The following OXR1 variants were observed in gnomAD, a reference collection of about 807,000 sequenced individuals.
OXR1 encodes oxidation resistance 1, also known as oxidation resistance protein 1.
A neutral mutation model predicts 104.6 loss-of-function variants in OXR1; 41 were observed. That is an observed-to-expected ratio of 0.39 (90% CI 0.31 to 0.51). OXR1 has a LOEUF of 0.51. OXR1 is among the 20% of genes least tolerant of loss of function. OXR1 has a pLI of 0.77. For missense variants in OXR1, 955 were observed against 1,031.9 expected (o/e 0.93, Z 1.02); for synonymous variants, 348 against 348.4 (o/e 1.00, Z 0.01).
At chr8:106,609,031 T>C (rs1455800955) in intron 3 of OXR1, among the ~76,000 whole-genome samples, 3 of 152,212 alleles carry the variant, frequency 2.0e-5, no homozygotes, top group Admixed American at 2.0e-4. Context: ...CACCATATGC[T>C]TTCCTGATTG....
intron 2 of OXR1, among the ~76,000 whole-genome samples, chr8:106,479,387 C>T (rs1266484909): frequency 6.6e-6 from 1 of 152,034 alleles, no homozygotes; most frequent in Non-Finnish European, 1.5e-5. Context: ...AGTCTATGCA[C>T]TGTCTCATCT....
intron 2 of OXR1, among the ~76,000 whole-genome samples, chr8:106,506,513 T>C (rs566945345): frequency 2.2e-4 from 33 of 152,172 alleles, no homozygotes; most frequent in African/African-American, 7.7e-4. Flanking sequence ...CTCGGGAGGC[T>C]GAGGCAGGAG....
chr8:106,449,338 G>C (rs528610270), intron 2 of OXR1, among the ~76,000 whole-genome samples: 4 of 152,198 alleles, frequency 2.6e-5, no homozygotes, highest in African/African-American at 9.6e-5. Flanking sequence ...TAGCTACATA[G>C]AATATGGTTT....
chr8:106,282,336 A>G (rs940527292), intron 1 of OXR1, among the ~76,000 whole-genome samples: 4 of 152,216 alleles, frequency 2.6e-5, no homozygotes, highest in African/African-American at 9.6e-5. Context: ...GTTTGCAGAT[A>G]TTTTGAAAAA....
chr8:106,273,653 A>G (rs761269268), intron 1 of OXR1, among the ~76,000 whole-genome samples: 2 of 152,244 alleles, frequency 1.3e-5, no homozygotes, highest in Non-Finnish European at 2.9e-5. Context: ...ATACTTTCAA[A>G]TATTCCTATT....
chr8:106,295,290 T>G (rs1242985744), intron 1 of OXR1, among the ~76,000 whole-genome samples: 2 of 152,160 alleles, frequency 1.3e-5, no homozygotes, highest in Non-Finnish European at 2.9e-5. Context: ...GATTACACAT[T>G]GGACTTAACC....
At chr8:106,712,497 CATA>C (rs1306231141) in intron 10 of OXR1, among the ~76,000 whole-genome samples, 4 of 151,956 alleles carry the variant, frequency 2.6e-5, no homozygotes, top group Non-Finnish European at 4.4e-5. Flanking sequence ...ATATCTTGAC[CATA>C]CTGTTTTTAG....
rs1415883220 is a variant in OXR1, at chr8:106,751,557, T to G, written c.*616T>G. ...GAAAAATGAAATGTGAGGAGAATTC[T>G]GGTTGTAATAGATGACAGTACATAT... is the stretch of plus-strand genomic sequence containing the variant. On this transcript the variant is annotated 3_prime_UTR_variant, in exon 17 of 17. Coordinates refer to ENST00000517566, the MANE Select transcript of OXR1 (RefSeq NM_001198533.2). The G allele has an allele frequency of 6.6e-6, 1 of 152,620 alleles. No individual in the cohort carries two copies. The highest frequency in any genetic ancestry group is 1.5e-5 in the Non-Finnish European group (1 of 68,022). 9.5% of individuals were successfully genotyped at this position (152,620 alleles called of 1,614,324 possible). A position where few individuals can be genotyped will look rare whatever the true frequency, so the allele number is the denominator to read the frequency against.
At chr8:106,329,234 C>T (rs1309046922) in intron 1 of OXR1, among the ~76,000 whole-genome samples, 4 of 151,600 alleles carry the variant, frequency 2.6e-5, no homozygotes, top group Non-Finnish European at 5.9e-5. Context: ...TCAGGTGATC[C>T]GCCCACCTCG....
intron 3 of OXR1, among the ~76,000 whole-genome samples, chr8:106,639,121 C>G (rs1453830098): frequency 6.6e-6 from 1 of 152,116 alleles, no homozygotes; most frequent in Non-Finnish European, 1.5e-5. Flanking sequence ...TAGAGTTAAA[C>G]CAGAGGGGAC....
At chr8:106,458,063 C>A (rs919411494) in intron 2 of OXR1, among the ~76,000 whole-genome samples, 2 of 152,044 alleles carry the variant, frequency 1.3e-5, no homozygotes, top group African/African-American at 4.8e-5. Flanking sequence ...AAAGCATGTT[C>A]AGGAGAGAAT....
chr8:106,572,115 T>G (rs1201488956), intron 3 of OXR1, among the ~76,000 whole-genome samples: 1 of 152,200 alleles, frequency 6.6e-6, no homozygotes, highest in African/African-American at 2.4e-5. Flanking sequence ...GTGGCAGCCC[T>G]GGTGATTTCG....
chr8:106,633,405 T>G (rs185284902), intron 3 of OXR1, among the ~76,000 whole-genome samples: 1 of 152,332 alleles, frequency 6.6e-6, no homozygotes, highest in East Asian at 1.9e-4. Context: ...AATATTCCCT[T>G]CAATTATTTT....
intron 2 of OXR1, among the ~76,000 whole-genome samples, chr8:106,444,222 T>A (rs1586649625): frequency 6.6e-6 from 1 of 152,192 alleles, no homozygotes; most frequent in African/African-American, 2.4e-5. Flanking sequence ...GAAATAGGAA[T>A]GCTTTTACAC....
chr8:106,672,446 C>T (rs1827119986), intron 3 of OXR1, among the ~76,000 whole-genome samples: 1 of 151,310 alleles, frequency 6.6e-6, no homozygotes. Context: ...AAGATCGTGC[C>T]ACTGTACTCC....
At chr8:106,420,140 C>T (rs1818845134) in intron 2 of OXR1, among the ~76,000 whole-genome samples, 1 of 152,050 alleles carries the variant, frequency 6.6e-6, no homozygotes, top group African/African-American at 2.4e-5. Context: ...AGAAATTTAA[C>T]ATATAAGAAA....
intron 2 of OXR1, among the ~76,000 whole-genome samples, chr8:106,420,260 A>G (rs1162782061): frequency 6.6e-6 from 1 of 152,074 alleles, no homozygotes; most frequent in Non-Finnish European, 1.5e-5. Flanking sequence ...CTTTGTTTGT[A>G]GAATTCATGT....
chr8:106,581,087 G>A, intron 3 of OXR1: 1 of 1,206,952 alleles, frequency 8.3e-7, no homozygotes, highest in Non-Finnish European at 1.0e-6. Flanking sequence ...AAAGATGGAG[G>A]AAAAATATGG....
intron 3 of OXR1, among the ~76,000 whole-genome samples, chr8:106,591,403 C>A (rs989656777): frequency 1.4e-5 from 2 of 145,700 alleles, no homozygotes; most frequent in Non-Finnish European, 3.0e-5. Flanking sequence ...ATGTAACAAA[C>A]GTGCACGTTG....
Sources: gnomAD v4.1 joint callset for allele counts (sites outside exome capture counted in the v4.1 genomes callset) on GRCh38, gnomAD v4.1.1 for gene constraint, MANE v1.5 for transcripts, NCBI Gene and HGNC (gene_info 2026-07-23, HGNC 2026-07-21) for gene names.